Variants in DMD observed in about 807,000 individuals in gnomAD.
DMD encodes mutant dystrophin.
In DMD, 63 loss-of-function variants were observed where a neutral mutation model predicts 330.1. The ratio of observed to expected loss-of-function variants is 0.19; its 90% confidence interval spans 0.16 to 0.24. The LOEUF (loss-of-function observed/expected upper bound fraction) is 0.24, where lower values mean the gene tolerates loss of function less well. Among genes scored for constraint, DMD ranks in the 10% least tolerant of loss-of-function variants. The pLI is 1.00. For synonymous variants in DMD, 1,223 were observed against 959.8 expected, an observed-to-expected ratio of 1.27 and a Z score of -5.07; for missense variants, 3,344 against 2,684.1, an observed-to-expected ratio of 1.25 and a Z score of -5.43.
At chrX:31,730,516 T>G (rs753155729) in intron 51 of DMD, among the ~76,000 whole-genome samples, 1 of 111,665 alleles carries the variant, frequency 9.0e-6, no homozygotes, top group African/African-American at 3.2e-5. Flanking sequence ...TTTTAATTTA[T>G]AGGTAGTAAT....
At chrX:32,457,568 C>T (rs2098365574) in intron 25 of DMD, among the ~76,000 whole-genome samples, 1 of 110,670 alleles carries the variant, frequency 9.0e-6, no homozygotes, top group Admixed American at 9.7e-5. Context: ...AGTGGAAAAG[C>T]TGGCCTTAGA....
intron 12 of DMD, among the ~76,000 whole-genome samples, chrX:32,603,122 T>C (rs1291005089): frequency 9.0e-6 from 1 of 110,845 alleles, no homozygotes; most frequent in East Asian, 2.8e-4. Flanking sequence ...GGCCACAAGG[T>C]GGTTCTTAAC....
chrX:31,262,951 C>A (rs1036011064), intron 62 of DMD, among the ~76,000 whole-genome samples: 3 of 112,465 alleles, frequency 2.7e-5, no homozygotes, highest in African/African-American at 9.7e-5. Context: ...TTGAGACCAC[C>A]CTGCATTCAG....
At chrX:31,293,059 C>T (rs181789428) in intron 62 of DMD, among the ~76,000 whole-genome samples, 1 of 109,836 alleles carries the variant, frequency 9.1e-6, no homozygotes, top group Admixed American at 9.8e-5. Flanking sequence ...AATTTTAAAC[C>T]AATTGAAATG....
At chrX:32,772,937 A>G (rs953587495) in intron 7 of DMD, among the ~76,000 whole-genome samples, 3 of 112,133 alleles carry the variant, frequency 2.7e-5, no homozygotes, top group African/African-American at 9.7e-5. Context: ...AACACCACAG[A>G]CTGTCACAGC....
intron 44 of DMD, among the ~76,000 whole-genome samples, chrX:32,074,208 C>T (rs2096324718): frequency 9.0e-6 from 1 of 111,354 alleles, no homozygotes; most frequent in African/African-American, 3.3e-5. Flanking sequence ...CATGACCTGC[C>T]TCCCCAGTGC....
chrX:32,174,755 AT>A (rs201374538), intron 44 of DMD, among the ~76,000 whole-genome samples: 8,706 of 104,835 alleles, frequency 0.083, 296 homozygotes, highest in Admixed American at 0.18. Context: ...TTCTATAGAT[AT>A]TTTTTTTTTT....
intron 71 of DMD, among the ~76,000 whole-genome samples, chrX:31,174,135 A>G (rs1445726207): frequency 1.8e-5 from 2 of 111,856 alleles, no homozygotes; most frequent in Non-Finnish European, 3.8e-5. Context: ...AATTTTGTAA[A>G]GAAGAAATGT....
At chrX:31,468,762 G>A (rs1338334520) in intron 59 of DMD, among the ~76,000 whole-genome samples, 3 of 111,164 alleles carry the variant, frequency 2.7e-5, no homozygotes, top group Non-Finnish European at 5.6e-5. Flanking sequence ...TGACAGTGGG[G>A]TGTTAAAATC....
intron 57 of DMD, among the ~76,000 whole-genome samples, chrX:31,487,018 G>A (rs2045903816): frequency 8.9e-6 from 1 of 111,756 alleles, no homozygotes; most frequent in African/African-American, 3.3e-5. Context: ...GTACATGGCA[G>A]GGTGGCAAGA....
chrX:32,669,523 G>A (rs2061506240), intron 9 of DMD, among the ~76,000 whole-genome samples: 1 of 111,552 alleles, frequency 9.0e-6, no homozygotes, highest in South Asian at 3.7e-4. Context: ...AAATTTGATT[G>A]TACTTTTTTT....
At chrX:32,240,762 C>T (rs913389738) in intron 43 of DMD, among the ~76,000 whole-genome samples, 3 of 111,099 alleles carry the variant, frequency 2.7e-5, no homozygotes, top group African/African-American at 9.8e-5. Flanking sequence ...TCCTGTTGTC[C>T]AAATGCCAAA....
chrX:32,509,665 T>C (rs2045071716), intron 18 of DMD, among the ~76,000 whole-genome samples: 1 of 111,937 alleles, frequency 8.9e-6, no homozygotes, highest in African/African-American at 3.2e-5. Flanking sequence ...CCTATCACCA[T>C]GATTTGATTG....
intron 7 of DMD, among the ~76,000 whole-genome samples, chrX:32,776,149 A>C (rs1434434349): frequency 9.0e-6 from 1 of 111,378 alleles, no homozygotes; most frequent in African/African-American, 3.3e-5. Context: ...GTTCCCAACA[A>C]GTTCCTCATC....
At chrX:32,328,436 G>A (rs1161728481) in intron 41 of DMD, among the ~76,000 whole-genome samples, 1 of 111,297 alleles carries the variant, frequency 9.0e-6, no homozygotes, top group Non-Finnish European at 1.9e-5. Context: ...ATTTTGTCTT[G>A]TTTTTGCTCC....
intron 17 of DMD, among the ~76,000 whole-genome samples, chrX:32,527,819 C>G (rs1440809755): frequency 9.0e-6 from 1 of 110,736 alleles, no homozygotes; most frequent in Non-Finnish European, 1.9e-5. Context: ...AAATAGTTCC[C>G]TCTCCAAATC....
intron 44 of DMD, among the ~76,000 whole-genome samples, chrX:32,161,528 G>A (rs1034421925): frequency 4.9e-4 from 54 of 111,231 alleles, no homozygotes; most frequent in Non-Finnish European, 7.5e-4. Context: ...AGAATTACTC[G>A]GAGGATTAAA....
chrX:31,490,168 G>A (rs1316505544), intron 57 of DMD, among the ~76,000 whole-genome samples: 2 of 112,176 alleles, frequency 1.8e-5, no homozygotes, highest in African/African-American at 3.2e-5. Flanking sequence ...TCAAAAAGAC[G>A]TCTATTTCCT....
At chrX:32,737,635 T>C (rs1231309356) in intron 7 of DMD, among the ~76,000 whole-genome samples, 1 of 112,055 alleles carries the variant, frequency 8.9e-6, no homozygotes, top group Non-Finnish European at 1.9e-5. Flanking sequence ...GGCAGAAAGA[T>C]AATACTGCAC....
Sources: gnomAD v4.1 joint callset for allele counts (sites outside exome capture counted in the v4.1 genomes callset) on GRCh38, gnomAD v4.1.1 for gene constraint, MANE v1.5 for transcripts, NCBI Gene and HGNC (gene_info 2026-07-23, HGNC 2026-07-21) for gene names.